PRORP: variants seen among roughly 807,000 people sequenced by gnomAD.
PRORP encodes the protein protein only RNase P catalytic subunit.
In PRORP, 51 loss-of-function variants were observed where a neutral mutation model predicts 59.4. That is an observed-to-expected ratio of 0.86 (90% CI 0.69 to 1.08). The LOEUF is 1.08. PRORP is among the 50% of genes least tolerant of loss of function. The pLI, the probability that PRORP is intolerant of heterozygous loss-of-function variation, is 0.00. For missense variants in PRORP, 646 were observed against 690.3 expected, an observed-to-expected ratio of 0.94 and a Z score of 0.72; for synonymous variants, 231 against 245.6, an observed-to-expected ratio of 0.94 and a Z score of 0.55.
chr14:35,213,391 A>G (rs1256864461), intron 5 of PRORP, among the ~76,000 whole-genome samples: 4 of 152,130 alleles, frequency 2.6e-5, no homozygotes, highest in Non-Finnish European at 4.4e-5. Flanking sequence ...TGATTGCACA[A>G]CTGCACTCCA....
At chr14:35,146,282 A>G (rs2047609186) in intron 4 of PRORP, among the ~76,000 whole-genome samples, 1 of 152,164 alleles carries the variant, frequency 6.6e-6, no homozygotes, top group Non-Finnish European at 1.5e-5. Context: ...CATTTAATTG[A>G]GTTTTTAGGG....
chr14:35,134,827 C>G (rs1168121164), intron 4 of PRORP, among the ~76,000 whole-genome samples: 1 of 152,178 alleles, frequency 6.6e-6, no homozygotes, highest in Admixed American at 6.5e-5. Context: ...TCCACTGGCT[C>G]TGAGCCCAGT....
chr14:35,201,881 C>T (rs1361676604), intron 5 of PRORP, among the ~76,000 whole-genome samples: 1 of 151,992 alleles, frequency 6.6e-6, no homozygotes, highest in African/African-American at 2.4e-5. Flanking sequence ...TGGTCTCAAA[C>T]TCCTGACCTC....
At chr14:35,272,136 CAAT>C (rs2051209820) in intron 7 of PRORP, among the ~76,000 whole-genome samples, 1 of 151,670 alleles carries the variant, frequency 6.6e-6, no homozygotes, top group African/African-American at 2.4e-5. Flanking sequence ...TTAATAATAA[CAAT>C]GTGTTGTATC....
At chr14:35,266,500 A>AC (rs200232979) in intron 5 of PRORP, among the ~76,000 whole-genome samples, 8,726 of 149,178 alleles carry the variant, frequency 0.058, 325 homozygotes, top group Middle Eastern at 0.11. Flanking sequence ...AAATAAAGAA[A>AC]CCCCCCCCTG....
At chr14:35,271,035 C>T (rs1368247592) in intron 7 of PRORP, among the ~76,000 whole-genome samples, 6 of 151,552 alleles carry the variant, frequency 4.0e-5, no homozygotes, top group African/African-American at 7.3e-5. Context: ...TGCAGTGAGC[C>T]GAGATCACGC....
chr14:35,167,026 C>A (rs1405307989), intron 4 of PRORP, among the ~76,000 whole-genome samples: 1 of 152,114 alleles, frequency 6.6e-6, no homozygotes, highest in East Asian at 1.9e-4. Context: ...AAGTCAGATG[C>A]CATTTATAAT....
At chr14:35,242,435 C>G (rs1365091521) in intron 5 of PRORP, among the ~76,000 whole-genome samples, 1 of 151,980 alleles carries the variant, frequency 6.6e-6, no homozygotes, top group Non-Finnish European at 1.5e-5. Flanking sequence ...TATTGTTTTT[C>G]TTCCTTTACA....
intron 5 of PRORP, among the ~76,000 whole-genome samples, chr14:35,263,849 G>T (rs2050968952): frequency 6.6e-6 from 1 of 152,160 alleles, no homozygotes; most frequent in African/African-American, 2.4e-5. Context: ...TTGAAGGAAA[G>T]AACTATATTT....
chr14:35,224,887 CTT>C (rs993242741), intron 5 of PRORP, among the ~76,000 whole-genome samples: 1 of 147,788 alleles, frequency 6.8e-6, no homozygotes, highest in African/African-American at 2.5e-5. Flanking sequence ...CAATGAACTC[CTT>C]TTTTTTTTGG....
At chr14:35,179,673 A>G (rs1444289142) in intron 4 of PRORP, among the ~76,000 whole-genome samples, 1 of 152,126 alleles carries the variant, frequency 6.6e-6, no homozygotes, top group Admixed American at 6.6e-5. Flanking sequence ...CTTCTTTGCA[A>G]TGGGTTCGAA....
intron 5 of PRORP, among the ~76,000 whole-genome samples, chr14:35,212,576 T>A (rs1006787538): frequency 2.6e-5 from 4 of 152,164 alleles, no homozygotes; most frequent in Non-Finnish European, 5.9e-5. Context: ...TGAACAGTAA[T>A]ATTTTGAAAG....
At chr14:35,189,232 A>C (rs1431868301) in intron 5 of PRORP, among the ~76,000 whole-genome samples, 1 of 151,982 alleles carries the variant, frequency 6.6e-6, no homozygotes. Context: ...TTTTGCTTAA[A>C]GTATTTTTGT....
At chr14:35,122,032 G>C (rs566319745), upstream of PRORP, 1 of 1,535,300 alleles carries the variant, frequency 6.5e-7, no homozygotes, top group African/African-American at 1.4e-5. Flanking sequence ...TCAGGCGTCA[G>C]CACCGCCAGG....
intron 5 of PRORP, among the ~76,000 whole-genome samples, chr14:35,251,434 A>G (rs1319397469): frequency 6.6e-6 from 1 of 152,160 alleles, no homozygotes; most frequent in Non-Finnish European, 1.5e-5. Flanking sequence ...TTATCCTGTA[A>G]ATGAGAAAAC....
intron 5 of PRORP, among the ~76,000 whole-genome samples, chr14:35,197,907 C>T (rs2049048559): frequency 6.6e-6 from 1 of 152,142 alleles, no homozygotes; most frequent in South Asian, 2.1e-4. Context: ...GTGAAGTGCT[C>T]TATTAATTTG....
rs534103130 is a variant in PRORP at position 35,125,706 on chromosome 14, T to C, written c.987-1029T>C. On this transcript the variant is annotated intron_variant, in intron 2 of 7. Coordinates refer to ENST00000534898, the MANE Select transcript of PRORP (RefSeq NM_014672.4). ...GAAAATCTTTGAATACCAAGGAGTT[T>C]GGATTTTATTCTGTTATCAAGAATG... 6.6e-5 allele frequency among the ~76,000 whole-genome samples: 10 copies of C among 152,284 alleles called. No individual in the cohort carries two copies. In the East Asian group the frequency reaches 1.9e-3, roughly 29 times the overall value.
chr14:35,122,125 G>A (rs2046926632), upstream of PRORP: 1 of 628,862 alleles, frequency 1.6e-6, no homozygotes. Flanking sequence ...AACAATTACT[G>A]TCACTGCCGC....
chr14:35,257,613 G>A (rs1594348793), intron 5 of PRORP, among the ~76,000 whole-genome samples: 1 of 152,146 alleles, frequency 6.6e-6, no homozygotes, highest in South Asian at 2.1e-4. Context: ...TTGACATTTG[G>A]GTTGCTTCCA....
Sources: allele counts gnomAD v4.1 joint callset (sites outside exome capture counted in the v4.1 genomes callset), GRCh38; gene constraint gnomAD v4.1.1; transcripts MANE v1.5; gene names NCBI Gene and HGNC (gene_info 2026-07-23, HGNC 2026-07-21).